Variants in GPHN observed in about 807,000 individuals in gnomAD.
The protein encoded by GPHN is gephyrin.
Under a neutral mutation model 95.5 loss-of-function variants are expected in GPHN, and 17 were observed. That is an observed-to-expected ratio of 0.18 (90% confidence interval 0.12 to 0.27). The LOEUF is 0.27. GPHN is among the 10% of genes least tolerant of loss of function. The pLI is 1.00. For synonymous variants in GPHN, 320 were observed against 322.5 expected (o/e 0.99, Z 0.08); for missense variants, 660 against 978.1 (o/e 0.67, Z 4.34).
chr14:67,105,755 G>T lies in GPHN; in HGVS notation c.1294-4385G>T, dbSNP rs1035762913. Among the ~76,000 whole-genome samples the T allele has an allele frequency of 2.6e-5, 4 of 151,818 alleles. No individual in the cohort carries two copies. In the East Asian group the frequency reaches 5.8e-4, roughly 22 times the overall value. ...GTGAGTCTCATGTAGGCAGCAAATA[G>T]TTGGGTTCTTTTTTTTTAAATCCAT... On this transcript the variant is annotated intron_variant, in intron 13 of 22. Transcript: ENST00000478722.
At chr14:67,349,546 C>T in the GPHN span, among the ~76,000 whole-genome samples, 6 of 152,136 alleles carry the variant, frequency 3.9e-5, no homozygotes, top group Non-Finnish European at 7.4e-5. Flanking sequence ...CCAGAAAGTG[C>T]CTTCCTGGCA....
At chr14:67,426,494 G>T in the GPHN span, among the ~76,000 whole-genome samples, 1 of 152,180 alleles carries the variant, frequency 6.6e-6, no homozygotes, top group Non-Finnish European at 1.5e-5. Context: ...TGGCCGGTGC[G>T]ATTGCCTTCA....
At chr14:67,674,650 C>A in the GPHN span, 8 of 514,064 alleles carry the variant, frequency 1.6e-5, no homozygotes, top group African/African-American at 1.6e-4. Context: ...TCCTCTCGAG[C>A]CGGAACGCCC....
chr14:66,797,617 A>T (rs1221345408), intron 3 of GPHN, among the ~76,000 whole-genome samples: 1 of 151,448 alleles, frequency 6.6e-6, no homozygotes, highest in Non-Finnish European at 1.5e-5. Flanking sequence ...ATTTTTATTT[A>T]TTTTTCAGAT....
chr14:66,701,107 CA>C (rs2068510808), intron 2 of GPHN, among the ~76,000 whole-genome samples: 1 of 152,166 alleles, frequency 6.6e-6, no homozygotes, highest in African/African-American at 2.4e-5. Context: ...TGCATGCGCA[CA>C]TGTGCACACA....
At chr14:67,648,099 C>G in the GPHN span, 1 of 1,613,938 alleles carries the variant, frequency 6.2e-7, no homozygotes, top group Non-Finnish European at 8.5e-7. Context: ...TGACCCTACA[C>G]TGGCTCCAGC....
At chr14:67,328,634 C>A in the GPHN span, among the ~76,000 whole-genome samples, 1 of 152,060 alleles carries the variant, frequency 6.6e-6, no homozygotes, top group East Asian at 1.9e-4. Flanking sequence ...GTCTTTAATC[C>A]ATCTTGAATT....
chr14:67,481,303 A>C, the GPHN span, among the ~76,000 whole-genome samples: 1 of 152,194 alleles, frequency 6.6e-6, no homozygotes, highest in African/African-American at 2.4e-5. Flanking sequence ...AGAAAGAAAG[A>C]AAAACAAAAA....
At chr14:67,247,811 T>G in the GPHN span, among the ~76,000 whole-genome samples, 1 of 152,120 alleles carries the variant, frequency 6.6e-6, no homozygotes, top group East Asian at 1.9e-4. Context: ...ATTCCTGGGC[T>G]CAAGCGATCT....
chr14:66,941,536 A>G (rs1469629946), intron 8 of GPHN, among the ~76,000 whole-genome samples: 2 of 152,136 alleles, frequency 1.3e-5, no homozygotes, highest in African/African-American at 2.4e-5. Context: ...AGAAAGAGAC[A>G]TTCTTTACTG....
intron 6 of GPHN, among the ~76,000 whole-genome samples, chr14:66,917,215 A>C (rs979784629): frequency 6.6e-6 from 1 of 152,198 alleles, no homozygotes; most frequent in Admixed American, 6.6e-5. Flanking sequence ...CAATACACTT[A>C]GCCATAACCT....
At chr14:67,372,836 A>C in the GPHN span, among the ~76,000 whole-genome samples, 2 of 151,884 alleles carry the variant, frequency 1.3e-5, no homozygotes, top group African/African-American at 4.8e-5. Context: ...CAAAAAAAAA[A>C]ACAAAAAACA....
intron 5 of GPHN, among the ~76,000 whole-genome samples, chr14:66,883,871 T>C (rs1405400536): frequency 6.6e-6 from 1 of 152,086 alleles, no homozygotes; most frequent in Non-Finnish European, 1.5e-5. Context: ...TATTCACAGC[T>C]CAGGGATGAC....
chr14:67,556,677 C>T, the GPHN span, among the ~76,000 whole-genome samples: 1 of 152,156 alleles, frequency 6.6e-6, no homozygotes, highest in African/African-American at 2.4e-5. Context: ...CTCTTGACAT[C>T]AGGAGTTTGA....
intron 10 of GPHN, among the ~76,000 whole-genome samples, chr14:67,036,501 GCA>G (rs762967467): frequency 0.033 from 3,909 of 118,048 alleles, 89 homozygotes; most frequent in Admixed American, 0.08. Flanking sequence ...ATACATACAT[GCA>G]CACACACACA....
intron 9 of GPHN, among the ~76,000 whole-genome samples, chr14:66,986,203 TAAC>T: frequency 6.6e-6 from 1 of 152,198 alleles, no homozygotes; most frequent in African/African-American, 2.4e-5. Context: ...TATTATGAGT[TAAC>T]AATATGTATT....
chr14:67,551,228 T>C, the GPHN span, among the ~76,000 whole-genome samples: 1 of 152,160 alleles, frequency 6.6e-6, no homozygotes, highest in Non-Finnish European at 1.5e-5. Context: ...CAGGACACTC[T>C]GGAGAGAAAG....
At chr14:67,665,409 C>T in the GPHN span, among the ~76,000 whole-genome samples, 1 of 151,918 alleles carries the variant, frequency 6.6e-6, no homozygotes, top group Non-Finnish European at 1.5e-5. Context: ...GTAACTGAGA[C>T]TACAGGTGCA....
intron 2 of GPHN, among the ~76,000 whole-genome samples, chr14:66,752,850 G>C (rs1228134623): frequency 6.6e-6 from 1 of 150,672 alleles, no homozygotes; most frequent in African/African-American, 2.4e-5. Flanking sequence ...GACTATAATG[G>C]ACAAGAAAGA....
Sources: allele counts gnomAD v4.1 joint callset (sites outside exome capture counted in the v4.1 genomes callset), GRCh38; gene constraint gnomAD v4.1.1; transcripts MANE v1.5; gene names NCBI Gene and HGNC (gene_info 2026-07-23, HGNC 2026-07-21).